The following PMF1 variants were observed in gnomAD, a reference collection of about 807,000 sequenced individuals.
PMF1 encodes the protein polyamine modulated factor 1, also known as polyamine-modulated factor 1.
In PMF1, 21 loss-of-function variants were observed where a neutral mutation model predicts 26.7. The observed-to-expected ratio is 0.79, with a 90% CI of 0.56 to 1.13. The LOEUF is 1.13. PMF1 is among the 50% of genes most tolerant of loss of function. PMF1 has a pLI of 0.00. For synonymous variants in PMF1, 105 were observed against 101.0 expected (o/e 1.04, Z -0.24); for missense variants, 266 against 254.9 (o/e 1.04, Z -0.30).
At position 156,239,596 on chromosome 1, in the gene PMF1, GA is replaced by G. The variant is rs1659233127; in HGVS notation, c.614del (p.Glu205GlyfsTer30). 4 of 1,612,242 alleles carry G rather than the reference GA, an allele frequency of 2.5e-6. No homozygotes were observed. The Admixed American group carries it at 5.0e-5, about 20-fold the overall frequency. On this transcript the variant is annotated frameshift_variant, in exon 5 of 5. Coordinates refer to ENST00000368277, the MANE Select transcript of PMF1 (RefSeq NM_007221.4). LOFTEE classifies it high-confidence loss of function. The part of the protein sequence containing the change: ...RELVAVLREP[E>X] ...GCTGGTTGCTGTGCTGAGGGAGCCTGAGTGAGGAGACCGCCAGCCCCAGAAG... is the reference window on the plus strand; with the variant it reads ...GCTGGTTGCTGTGCTGAGGGAGCCTGGTGAGGAGACCGCCAGCCCCAGAAG...
intron 1 of PMF1, among the ~76,000 whole-genome samples, chr1:156,227,950 T>C (rs915823497): frequency 5.4e-5 from 8 of 149,406 alleles, no homozygotes; most frequent in African/African-American, 2.0e-4. Flanking sequence ...TTTTTTTTTT[T>C]TGAGACGGAG....
chr1:156,221,993 C>T (rs1572485872), intron 1 of PMF1, among the ~76,000 whole-genome samples: 1 of 152,220 alleles, frequency 6.6e-6, no homozygotes, highest in Non-Finnish European at 1.5e-5. Flanking sequence ...ACTGGCCCTC[C>T]AGCCTCAGTC....
chr1:156,219,620 C>A (rs545780742), intron 1 of PMF1, among the ~76,000 whole-genome samples: 1 of 152,186 alleles, frequency 6.6e-6, no homozygotes, highest in Non-Finnish European at 1.5e-5. Context: ...GGATTTTGCT[C>A]TGTTGCCCAG....
intron 3 of PMF1, 53 bp downstream of exon 3, chr1:156,233,781 CTT>C (rs57899002): frequency 5.0e-3 from 6,129 of 1,238,104 alleles, no homozygotes; most frequent in East Asian, 6.1e-3. Context: ...AGCAATTAAG[CTT>C]TTTTTTTTTT....
chr1:156,220,024 C>T (rs1657995846), intron 1 of PMF1, among the ~76,000 whole-genome samples: 1 of 147,996 alleles, frequency 6.8e-6, no homozygotes, highest in South Asian at 2.1e-4. Context: ...AGTGCAGTGG[C>T]GCTGTCTCCG....
intron 1 of PMF1, among the ~76,000 whole-genome samples, chr1:156,217,239 A>T (rs1270647411): frequency 8.2e-6 from 1 of 121,618 alleles, no homozygotes; most frequent in African/African-American, 3.8e-5. Context: ...ATAATAAAAA[A>T]AAAAAAGAAA....
intron 2 of PMF1, among the ~76,000 whole-genome samples, 178 bp from the exon 3 acceptor site, chr1:156,233,450 G>A (rs560401129): frequency 2.0e-5 from 3 of 151,958 alleles, no homozygotes; most frequent in South Asian, 4.1e-4. Context: ...GAACCACGAC[G>A]CCCAGCCTAT....
At chr1:156,221,500 C>T (rs751921124) in intron 1 of PMF1, among the ~76,000 whole-genome samples, 1 of 152,216 alleles carries the variant, frequency 6.6e-6, no homozygotes, top group Non-Finnish European at 1.5e-5. Flanking sequence ...TGGTCAGTCT[C>T]CCCTACATAA....
chr1:156,214,299 G>C (rs1273824676), intron 1 of PMF1, among the ~76,000 whole-genome samples: 1 of 152,272 alleles, frequency 6.6e-6, no homozygotes, highest in East Asian at 1.9e-4. Flanking sequence ...GCTTCCAGGA[G>C]TTCGGTGCCC....
intron 1 of PMF1, among the ~76,000 whole-genome samples, chr1:156,217,552 C>T (rs751855092): frequency 6.6e-6 from 1 of 152,056 alleles, no homozygotes; most frequent in Middle Eastern, 3.4e-3. Flanking sequence ...ACGGTGAAAC[C>T]CCGTCTCTAC....
chr1:156,218,239 TGATTTGCTA>T (rs1657887802), intron 1 of PMF1, among the ~76,000 whole-genome samples: 1 of 152,216 alleles, frequency 6.6e-6, no homozygotes, highest in Non-Finnish European at 1.5e-5. Flanking sequence ...TTTATCTTGT[TGATTTGCTA>T]GAGTTGCTAG....
intron 1 of PMF1, among the ~76,000 whole-genome samples, chr1:156,229,094 G>C (rs1658550150): frequency 1.3e-5 from 2 of 152,052 alleles, no homozygotes; most frequent in Admixed American, 6.6e-5. Flanking sequence ...ATTTTTAGTA[G>C]AGATGGGGTT....
At chr1:156,231,659 C>T (rs996857855) in intron 1 of PMF1, among the ~76,000 whole-genome samples, 3 of 150,326 alleles carry the variant, frequency 2.0e-5, no homozygotes, top group Admixed American at 6.6e-5. Context: ...ACCAAGATCA[C>T]GCCACTGCAC....
chr1:156,225,361 CT>C (rs1658307988), intron 1 of PMF1, among the ~76,000 whole-genome samples: 1 of 117,844 alleles, frequency 8.5e-6, no homozygotes, highest in African/African-American at 3.2e-5. Flanking sequence ...TGGATAAGTT[CT>C]TTAGCGGTGA....
Position 156,236,400 on chromosome 1 carries a change from C to T in PMF1, c.481C>T (p.Gln161Ter), listed in dbSNP as rs1659017088. The T allele has an allele frequency of 6.2e-7, 1 of 1,614,110 alleles. No individual in the cohort carries two copies. The highest frequency in any genetic ancestry group is 1.3e-5 in the African/African-American group (1 of 74,938). ...HVQKQEAENQ[Q>*]LADAVLAGRR... ...GCAGAAACAGGAGGCCGAGAACCAGCAGCTGGCAGATGCCGTCCTGGCAGG... is the reference window on the plus strand; with the variant it reads ...GCAGAAACAGGAGGCCGAGAACCAGTAGCTGGCAGATGCCGTCCTGGCAGG... Residue 161 changes from glutamine to a stop codon, truncating the protein, a stop_gained, in exon 4 of 5, where the codon CAG (glutamine) becomes TAG (stop). Transcript: ENST00000368277. LOFTEE classifies it high-confidence loss of function.
At chr1:156,222,413 G>A (rs951830883) in intron 1 of PMF1, among the ~76,000 whole-genome samples, 3 of 151,218 alleles carry the variant, frequency 2.0e-5, no homozygotes, top group African/African-American at 7.3e-5. Context: ...ATGGAGTTTC[G>A]CTCTTGTTGC....
chr1:156,223,288 T>G (rs1290067153), intron 1 of PMF1: 1 of 152,242 alleles, frequency 6.6e-6, no homozygotes, highest in Non-Finnish European at 1.5e-5. Context: ...CACCCTCACA[T>G]AGCAGCCAAG....
rs114277420 is a variant in PMF1, at chr1:156,217,657, C to T, written c.161+4481C>T. On this transcript the variant is annotated intron_variant, in intron 1 of 4. Coordinates refer to ENST00000368277, the MANE Select transcript of PMF1 (RefSeq NM_007221.4). ...AGGAGAATCACTTGAACCCAGGAGG[C>T]GGGGAAGTTGCAGTGAGCTGAGATT... Among the ~76,000 whole-genome samples, 828 of 147,230 alleles carry T rather than the reference C, an allele frequency of 5.6e-3. 14 individuals are homozygous for T. The highest frequency in any genetic ancestry group is 0.02 in the African/African-American group (803 of 40,064).
intron 1 of PMF1, among the ~76,000 whole-genome samples, chr1:156,217,112 T>C (rs544590033): frequency 4.0e-5 from 6 of 150,800 alleles, no homozygotes; most frequent in South Asian, 2.1e-4. Flanking sequence ...AGGGATAGCA[T>C]TGGGAGATAT....
Sources: allele counts gnomAD v4.1 joint callset (sites outside exome capture counted in the v4.1 genomes callset), GRCh38; gene constraint gnomAD v4.1.1; transcripts MANE v1.5; gene names NCBI Gene and HGNC (gene_info 2026-07-23, HGNC 2026-07-21).